The following PPP1R13B variants were observed in gnomAD, a reference collection of about 807,000 sequenced individuals.
The protein encoded by PPP1R13B is apoptosis-stimulating of p53 protein 1.
Under a neutral mutation model 119.8 loss-of-function variants are expected in PPP1R13B, and 44 were observed. The observed-to-expected ratio is 0.37, with a 90% confidence interval of 0.29 to 0.47. The LOEUF (loss-of-function observed/expected upper bound fraction) is 0.47, where lower values mean the gene tolerates loss of function less well. Among genes scored for constraint, PPP1R13B ranks in the 20% least tolerant of loss-of-function variants. The pLI is 0.99. For synonymous variants in PPP1R13B, 542 were observed against 561.5 expected (o/e 0.97, Z 0.49); for missense variants, 1,227 against 1,413.5 (o/e 0.87, Z 2.12).
At chr14:103,805,924 A>G (rs554869453) in intron 1 of PPP1R13B, among the ~76,000 whole-genome samples, 9 of 152,356 alleles carry the variant, frequency 5.9e-5, no homozygotes, top group African/African-American at 2.2e-4. Context: ...GTATGACAGT[A>G]ATGTTCTAAA....
intron 1 of PPP1R13B, among the ~76,000 whole-genome samples, chr14:103,814,575 A>G (rs976883542): frequency 2.6e-5 from 4 of 152,168 alleles, no homozygotes. Context: ...AGGCTGAGGC[A>G]AAAGGATCAC....
At chr14:103,797,307 C>T (rs1304260779) in intron 2 of PPP1R13B, 64 bp downstream of exon 2, 1 of 1,475,548 alleles carries the variant, frequency 6.8e-7, no homozygotes, top group Non-Finnish European at 9.1e-7. Flanking sequence ...CCAGCACAAG[C>T]TTAGCTAAAA....
intron 2 of PPP1R13B, among the ~76,000 whole-genome samples, chr14:103,796,478 G>A (rs766066162): frequency 3.9e-4 from 59 of 152,280 alleles, no homozygotes; most frequent in Non-Finnish European, 7.6e-4. Flanking sequence ...ATCAAGTGTT[G>A]ATGAGAATGT....
rs1281844189 is a variant in PPP1R13B, at chr14:103,738,988, C to T, written c.2628G>A (p.Glu876=). The change falls in exon 13 of 17, where the codon GAG becomes GAA. Residue 876 remains glutamate, a synonymous_variant. Transcript: ENST00000202556. The surrounding 1 kb of genome is among the most constrained non-coding windows in gnomAD (Gnocchi z 5.6). The part of the protein sequence containing the change: ...KRTNLKKPNS[E]RTGHGLRVRF... ...GGACTCTCAGCCCGTGCCCCGTCCG[C>T]TCCGAGTTGGGCTTCTTCAAGTTGG... 2 of 1,614,072 alleles carry T rather than the reference C, an allele frequency of 1.2e-6. No individual in the cohort carries two copies. The highest frequency in any genetic ancestry group is 1.7e-5 in the Admixed American group (1 of 60,030).
chr14:103,735,334 C>A, intron 16 of PPP1R13B, 139 bp from the exon 17 acceptor site: 1 of 771,816 alleles, frequency 1.3e-6, no homozygotes, highest in South Asian at 1.4e-5. Context: ...CGCTCAGCTG[C>A]ACCTCTACAC....
intron 7 of PPP1R13B, among the ~76,000 whole-genome samples, chr14:103,752,531 A>C (rs1379869201): frequency 1.5e-5 from 2 of 131,260 alleles, no homozygotes; most frequent in African/African-American, 3.0e-5. Context: ...TGTGAATTAG[A>C]TCCTTTTTTT....
chr14:103,737,923 C>CA (rs1338995129), intron 14 of PPP1R13B, 63 bp from the exon 15 acceptor site: 7 of 1,511,990 alleles, frequency 4.6e-6, no homozygotes, highest in Non-Finnish European at 6.2e-6. Flanking sequence ...ACGTGGCCCT[C>CA]AGAGATTTCC....
At chr14:103,763,246 T>C (rs1743676921) in intron 4 of PPP1R13B, 3 of 513,516 alleles carry the variant, frequency 5.8e-6, no homozygotes, top group African/African-American at 1.9e-5. Context: ...AGTGGGCCTG[T>C]TGCTTTTCTC....
intron 1 of PPP1R13B, among the ~76,000 whole-genome samples, chr14:103,807,587 C>CTT (rs2086048265): frequency 1.3e-5 from 2 of 152,192 alleles, no homozygotes; most frequent in Non-Finnish European, 2.9e-5. Context: ...CTCTGCCTTC[C>CTT]GGGTTCACGC....
chr14:103,779,524 G>A (rs2152017542), intron 3 of PPP1R13B, among the ~76,000 whole-genome samples: 1 of 152,062 alleles, frequency 6.6e-6, no homozygotes, highest in Non-Finnish European at 1.5e-5. Flanking sequence ...CACTTTGGGA[G>A]GTGCTGGGAT....
chr14:103,738,377 T>G lies in PPP1R13B; in HGVS notation c.2864+302A>C. 1 of 413,574 alleles carries G rather than the reference T, an allele frequency of 2.4e-6. No individual in the cohort carries two copies. The highest frequency in any genetic ancestry group is 3.7e-5 in the Admixed American group (1 of 26,770). The allele number at this position is 413,574 out of a possible 1,614,324, so 25.6% of individuals were successfully genotyped here. Reference sequence around the variant, plus strand: ...CACACGGAGCACAGAGTGTGAAGAGTCCATACGGAACATATGAGAAGGGGA... The same window carrying G: ...CACACGGAGCACAGAGTGTGAAGAGGCCATACGGAACATATGAGAAGGGGA... On this transcript the variant is annotated intron_variant, in intron 14 of 16. Transcript: ENST00000202556. This position sits in a 1 kb window ranked among gnomAD's most constrained non-coding sequence, Gnocchi z 5.6.
Position 103,738,768 on chromosome 14 carries a change from C to T in PPP1R13B, c.2775G>A (p.Leu925=). 2 of 1,614,248 alleles carry T rather than the reference C, an allele frequency of 1.2e-6. No homozygotes were observed. The highest frequency in any genetic ancestry group is 2.2e-5 in the South Asian group (2 of 91,088). Residue 925 remains leucine (L), a synonymous_variant, in exon 14 of 17, where the codon CTG becomes CTA. Coordinates refer to ENST00000202556, the MANE Select transcript of PPP1R13B (RefSeq NM_015316.3). This position sits in a 1 kb window ranked among gnomAD's most constrained non-coding sequence, Gnocchi z 5.6. ...SKPNDEGITP[L]HNAVCAGHHH... is the part of the protein sequence containing the mutation. Reference sequence around the variant, plus strand: ...GGTGGCCGGCGCAGACGGCGTTGTGCAGTGGGGTGATCCCTTCGTCGTTGG... The same window carrying T: ...GGTGGCCGGCGCAGACGGCGTTGTGTAGTGGGGTGATCCCTTCGTCGTTGG...
intron 1 of PPP1R13B, among the ~76,000 whole-genome samples, chr14:103,817,997 G>A (rs1161809503): frequency 1.3e-5 from 2 of 151,636 alleles, no homozygotes; most frequent in Non-Finnish European, 1.5e-5. Flanking sequence ...TATCAGATGG[G>A]TAAATCAAAC....
chr14:103,772,675 C>CTTT (rs200012700), intron 4 of PPP1R13B, among the ~76,000 whole-genome samples: 12 of 140,604 alleles, frequency 8.5e-5, no homozygotes, highest in African/African-American at 3.1e-4. Context: ...GTTTCTTTTT[C>CTTT]TTTTTTTTTT....
intron 2 of PPP1R13B, among the ~76,000 whole-genome samples, chr14:103,796,534 T>C (rs1302787792): frequency 6.6e-6 from 1 of 152,192 alleles, no homozygotes; most frequent in South Asian, 2.1e-4. Flanking sequence ...CTGCAGGGAA[T>C]GTAAAATGAA....
chr14:103,764,553 T>A, intron 4 of PPP1R13B: 1 of 239,582 alleles, frequency 4.2e-6, no homozygotes, highest in Non-Finnish European at 8.7e-6. Context: ...ATTATTGTAG[T>A]CAGTAGACAT....
At chr14:103,839,066 G>GGCTCACCGCAACCTCT (rs953709180) in intron 1 of PPP1R13B, among the ~76,000 whole-genome samples, 4 of 151,876 alleles carry the variant, frequency 2.6e-5, no homozygotes, top group East Asian at 1.9e-4. Context: ...GTGCAATCTC[G>GGCTCACCGCAACCTCT]GCTCACCGCA....
chr14:103,835,754 G>A (rs61427488), intron 1 of PPP1R13B, among the ~76,000 whole-genome samples: 19,783 of 151,336 alleles, frequency 0.13, 1,960 homozygotes, highest in African/African-American at 0.27. Flanking sequence ...GATTACAGGC[G>A]CCCGCCACCA....
intron 1 of PPP1R13B, among the ~76,000 whole-genome samples, chr14:103,832,108 T>TAA (rs757832334): frequency 1.4e-4 from 20 of 139,602 alleles, no homozygotes; most frequent in South Asian, 1.2e-3. Context: ...CCCTATCTCT[T>TAA]AAAAAAAAAA....
Sources: allele counts gnomAD v4.1 joint callset (sites outside exome capture counted in the v4.1 genomes callset), GRCh38; gene constraint gnomAD v4.1.1; non-coding constraint Gnocchi (gnomAD v3.1); transcripts MANE v1.5; gene names NCBI Gene and HGNC (gene_info 2026-07-23, HGNC 2026-07-21).